PRKG1: variants seen among roughly 807,000 people sequenced by gnomAD.
PRKG1 encodes protein kinase cGMP-dependent 1.
PRKG1 carries 35 observed loss-of-function variants against 88.1 expected under a neutral mutation model. The ratio of observed to expected loss-of-function variants is 0.40; its 90% CI spans 0.30 to 0.53. The LOEUF (loss-of-function observed/expected upper bound fraction) is 0.53, where lower values mean the gene tolerates loss of function less well. PRKG1 is among the 20% of genes least tolerant of loss of function. PRKG1 has a pLI of 0.59. For synonymous variants in PRKG1, 303 were observed against 292.5 expected, an observed-to-expected ratio of 1.04 and a Z score of -0.37; for missense variants, 540 against 839.8, an observed-to-expected ratio of 0.64 and a Z score of 4.41.
At chr10:51,937,350 C>T (rs184276936) in intron 5 of PRKG1, among the ~76,000 whole-genome samples, 2 of 147,630 alleles carry the variant, frequency 1.4e-5, no homozygotes, top group African/African-American at 5.4e-5. Flanking sequence ...GAATCTGACT[C>T]TCTCTCCTGC....
At chr10:51,005,737 C>G (rs1292987918) in intron 1 of PRKG1, among the ~76,000 whole-genome samples, 1 of 152,174 alleles carries the variant, frequency 6.6e-6, no homozygotes, top group Non-Finnish European at 1.5e-5. Flanking sequence ...CCAGCTATTT[C>G]AGGCTCAGGG....
chr10:52,054,705 CA>C, intron 6 of PRKG1, 144 bp downstream of exon 6: 1 of 593,902 alleles, frequency 1.7e-6, no homozygotes, highest in Non-Finnish European at 2.8e-6. Flanking sequence ...ATGGATCTTA[CA>C]AAAAATGATG....
At chr10:51,498,153 G>A (rs1840914003) in intron 3 of PRKG1, among the ~76,000 whole-genome samples, 1 of 152,120 alleles carries the variant, frequency 6.6e-6, no homozygotes, top group African/African-American at 2.4e-5. Flanking sequence ...TGGCAATAAA[G>A]GCTATGTAGA....
At chr10:51,700,020 G>A (rs1841424907) in intron 3 of PRKG1, among the ~76,000 whole-genome samples, 1 of 152,250 alleles carries the variant, frequency 6.6e-6, no homozygotes, top group South Asian at 2.1e-4. Context: ...GTATTTTCAT[G>A]TGGCCTTTTA....
At chr10:51,296,024 C>T (rs1342495954) in intron 2 of PRKG1, among the ~76,000 whole-genome samples, 3 of 152,036 alleles carry the variant, frequency 2.0e-5, no homozygotes, top group Non-Finnish European at 4.4e-5. Context: ...GGGATAAATA[C>T]CACTTGGTCA....
At chr10:51,787,907 ATACT>A (rs1838768392) in intron 3 of PRKG1, among the ~76,000 whole-genome samples, 1 of 152,204 alleles carries the variant, frequency 6.6e-6, no homozygotes, top group Non-Finnish European at 1.5e-5. Context: ...AAAGAGAAAC[ATACT>A]TAGTTACAAC....
intron 3 of PRKG1, among the ~76,000 whole-genome samples, chr10:51,762,773 A>G (rs1770828283): frequency 1.3e-5 from 2 of 152,286 alleles, no homozygotes; most frequent in Middle Eastern, 3.4e-3. Context: ...CTCAAAGAAC[A>G]TTTTTAATAT....
chr10:51,722,025 T>C (rs1589232200), intron 3 of PRKG1, among the ~76,000 whole-genome samples: 2 of 151,236 alleles, frequency 1.3e-5, no homozygotes, highest in African/African-American at 4.9e-5. Flanking sequence ...AGGTCAGGAG[T>C]TCAAGACCAG....
intron 1 of PRKG1, among the ~76,000 whole-genome samples, chr10:51,010,351 A>T (rs185997896): frequency 6.6e-6 from 1 of 152,376 alleles, no homozygotes; most frequent in East Asian, 1.9e-4. Context: ...CAGAATCAAG[A>T]TCCCAAAAGA....
intron 3 of PRKG1, among the ~76,000 whole-genome samples, chr10:51,616,521 G>A (rs982487998): frequency 3.3e-5 from 5 of 152,130 alleles, no homozygotes; most frequent in Non-Finnish European, 4.4e-5. Flanking sequence ...GGTAGCAGCA[G>A]GGTGGGTAGG....
chr10:51,540,744 G>A (rs1842279465), intron 3 of PRKG1, among the ~76,000 whole-genome samples: 1 of 151,910 alleles, frequency 6.6e-6, no homozygotes, highest in Admixed American at 6.6e-5. Flanking sequence ...TTTTGAGACG[G>A]AGTCTTGCTC....
intron 4 of PRKG1, among the ~76,000 whole-genome samples, chr10:51,849,500 T>C (rs1840490480): frequency 6.6e-6 from 1 of 152,180 alleles, no homozygotes; most frequent in Admixed American, 6.6e-5. Context: ...CTTACCTGAT[T>C]ACTCAGATTT....
At chr10:51,354,775 A>T (rs1299788520) in intron 2 of PRKG1, among the ~76,000 whole-genome samples, 2 of 152,096 alleles carry the variant, frequency 1.3e-5, no homozygotes, top group Non-Finnish European at 2.9e-5. Flanking sequence ...CTTTTAAAGG[A>T]GACAGGCTGT....
chr10:51,054,725 A>T (rs952166628), intron 1 of PRKG1, among the ~76,000 whole-genome samples: 1 of 152,186 alleles, frequency 6.6e-6, no homozygotes, highest in Non-Finnish European at 1.5e-5. Context: ...TACCATAGTT[A>T]TAAATTCTGT....
At position 51,855,193 on chromosome 10, in the gene PRKG1, G is replaced by A. The variant is rs141549224; in HGVS notation, c.698+50503G>A. ...TAGACTTATTTCAAAGGATCCTGCT[G>A]TACTCTCTATCTTTCAGCCTAAATT... On this transcript the variant is annotated intron_variant, in intron 4 of 17. Transcript: ENST00000373980. 5.2e-3 allele frequency among the ~76,000 whole-genome samples: 796 copies of A among 152,262 alleles called. 5 individuals carry two copies. Among genetic ancestry groups the A allele is most frequent in the Middle Eastern group, 0.027 (8 of 294 alleles).
chr10:51,411,341 G>A (rs1318847698), intron 2 of PRKG1, among the ~76,000 whole-genome samples: 1 of 152,106 alleles, frequency 6.6e-6, no homozygotes, highest in Non-Finnish European at 1.5e-5. Context: ...AATTTGACAG[G>A]GTTTAATCAA....
chr10:51,746,189 A>G (rs1837573043), intron 3 of PRKG1, among the ~76,000 whole-genome samples: 1 of 152,092 alleles, frequency 6.6e-6, no homozygotes, highest in South Asian at 2.1e-4. Context: ...TATTTAGACT[A>G]TTTAGATTAA....
rs116449901 is a variant in PRKG1, at chr10:52,251,885, T to G, written c.1173+219T>G. On this transcript the variant is annotated intron_variant, in intron 10 of 17. Transcript: ENST00000373980. ...GACTAAAAATAAAATAACACCTTGC[T>G]TTTTAGAAAACCTCTTCATATTAAG... 1,420 of 444,286 alleles carry G rather than the reference T, an allele frequency of 3.2e-3. 21 individuals carry two copies. Among genetic ancestry groups the G allele is most frequent in the African/African-American group, 0.025 (1,275 of 50,140 alleles). 27.5% of individuals were successfully genotyped at this position (444,286 alleles called of 1,614,324 possible). A position where few individuals can be genotyped will look rare whatever the true frequency, so the allele number is the denominator to read the frequency against.
intron 4 of PRKG1, among the ~76,000 whole-genome samples, chr10:51,874,995 A>G (rs1769892470): frequency 1.3e-5 from 2 of 152,140 alleles, no homozygotes; most frequent in African/African-American, 4.8e-5. Context: ...AAGCCACTAG[A>G]CCTTACAAAT....
Sources: gnomAD v4.1 joint callset for allele counts (sites outside exome capture counted in the v4.1 genomes callset) on GRCh38, gnomAD v4.1.1 for gene constraint, MANE v1.5 for transcripts, NCBI Gene and HGNC (gene_info 2026-07-23, HGNC 2026-07-21) for gene names.